The following SSBP2 variants were observed in gnomAD, a reference collection of about 807,000 sequenced individuals.
The protein encoded by SSBP2 is single-stranded DNA-binding protein 2.
In SSBP2, 17 loss-of-function variants were observed where a neutral mutation model predicts 61.8. The ratio of observed to expected loss-of-function variants is 0.28; its 90% confidence interval spans 0.19 to 0.41. The LOEUF (loss-of-function observed/expected upper bound fraction) is 0.41, where lower values mean the gene tolerates loss of function less well. SSBP2 is among the 10% of genes least tolerant of loss of function. The pLI, the probability that SSBP2 is intolerant of heterozygous loss-of-function variation, is 1.00. For synonymous variants in SSBP2, 139 were observed against 141.3 expected, an observed-to-expected ratio of 0.98 and a Z score of 0.12; for missense variants, 310 against 458.7, an observed-to-expected ratio of 0.68 and a Z score of 2.96.
intron 1 of SSBP2, among the ~76,000 whole-genome samples, chr5:81,668,504 C>A (rs1316548951): frequency 1.3e-5 from 2 of 151,870 alleles, no homozygotes; most frequent in African/African-American, 4.8e-5. Context: ...TATAAAACTG[C>A]ATTTTTACTT....
At chr5:81,423,362 A>T (rs1369424719) in intron 16 of SSBP2, among the ~76,000 whole-genome samples, 1 of 152,234 alleles carries the variant, frequency 6.6e-6, no homozygotes, top group Non-Finnish European at 1.5e-5. Flanking sequence ...TTTAAAACAA[A>T]GATCTTATTG....
chr5:81,510,111 C>T (rs895785212), intron 5 of SSBP2, among the ~76,000 whole-genome samples: 6 of 152,126 alleles, frequency 3.9e-5, no homozygotes, highest in African/African-American at 7.2e-5. Flanking sequence ...CTGGACAATT[C>T]ATCTACCCCT....
At chr5:81,446,774 T>C (rs985055863) in intron 12 of SSBP2, 94 bp downstream of exon 12, 168 of 1,243,998 alleles carry the variant, frequency 1.4e-4, no homozygotes, top group Non-Finnish European at 1.8e-4. Flanking sequence ...CGTGAGAACA[T>C]GAATACTACT....
chr5:81,633,748 TCA>T (rs1287184236), intron 3 of SSBP2, among the ~76,000 whole-genome samples: 7 of 152,318 alleles, frequency 4.6e-5, no homozygotes, highest in Admixed American at 1.3e-4. Context: ...GGTATGTATT[TCA>T]GTTTCAGCAC....
At chr5:81,473,371 T>C (rs1765376055) in intron 8 of SSBP2, among the ~76,000 whole-genome samples, 1 of 152,186 alleles carries the variant, frequency 6.6e-6, no homozygotes, top group Non-Finnish European at 1.5e-5. Context: ...AAGCCCCACA[T>C]GCATTAGCGA....
chr5:81,587,323 T>C (rs1283120926), intron 4 of SSBP2, among the ~76,000 whole-genome samples: 1 of 152,176 alleles, frequency 6.6e-6, no homozygotes, highest in African/African-American at 2.4e-5. Context: ...TTAGGGTTGT[T>C]TGAGGTTCTT....
At chr5:81,459,230 G>A (rs998371169) in intron 10 of SSBP2, among the ~76,000 whole-genome samples, 4 of 152,144 alleles carry the variant, frequency 2.6e-5, no homozygotes. Flanking sequence ...AAGAGATGGA[G>A]TACCTAAAAA....
intron 16 of SSBP2, among the ~76,000 whole-genome samples, chr5:81,428,167 C>T (rs181725286): frequency 1.2e-4 from 19 of 152,202 alleles, no homozygotes; most frequent in Non-Finnish European, 2.1e-4. Context: ...GTTAACAGAC[C>T]GCCAATTTGG....
intron 1 of SSBP2, among the ~76,000 whole-genome samples, chr5:81,680,441 G>C (rs1278526224): frequency 6.6e-6 from 1 of 150,940 alleles, no homozygotes; most frequent in Non-Finnish European, 1.5e-5. Flanking sequence ...AAACGTCAGT[G>C]GTGTAACTAC....
chr5:81,635,526 T>C (rs990103564), intron 3 of SSBP2, among the ~76,000 whole-genome samples: 3 of 151,946 alleles, frequency 2.0e-5, no homozygotes, highest in Admixed American at 6.6e-5. Flanking sequence ...CGCTTATAAT[T>C]ACCTATACAG....
chr5:81,512,967 T>C (rs1768731480), intron 5 of SSBP2, among the ~76,000 whole-genome samples: 1 of 152,090 alleles, frequency 6.6e-6, no homozygotes, highest in African/African-American at 2.4e-5. Flanking sequence ...TCGAAATTTA[T>C]GTTGGTTTGA....
At chr5:81,444,105 T>TTATTTGAATATATC (rs1185203438) in intron 12 of SSBP2, among the ~76,000 whole-genome samples, 1 of 152,232 alleles carries the variant, frequency 6.6e-6, no homozygotes, top group Non-Finnish European at 1.5e-5. Context: ...ATACTGTATC[T>TTATTTGAATATATC]TATTTGAATA....
intron 4 of SSBP2, among the ~76,000 whole-genome samples, chr5:81,528,782 T>C (rs1770158914): frequency 6.6e-6 from 1 of 152,076 alleles, no homozygotes; most frequent in Non-Finnish European, 1.5e-5. Flanking sequence ...AGACGGTCTT[T>C]AGTCAATAAT....
intron 4 of SSBP2, among the ~76,000 whole-genome samples, chr5:81,542,855 T>TCTCCA (rs1771404391): frequency 1.5e-5 from 1 of 66,604 alleles, no homozygotes; most frequent in Non-Finnish European, 2.9e-5. Context: ...CTCTCTCTCC[T>TCTCCA]TTCTTTCTTC....
chr5:81,631,918 C>G (rs1219195604), intron 3 of SSBP2, among the ~76,000 whole-genome samples: 1 of 152,098 alleles, frequency 6.6e-6, no homozygotes, highest in Non-Finnish European at 1.5e-5. Context: ...GGAGCTGAGA[C>G]ACTGAATCCA....
chr5:81,523,065 T>C (rs1472072226), intron 4 of SSBP2, among the ~76,000 whole-genome samples: 1 of 151,996 alleles, frequency 6.6e-6, no homozygotes, highest in Non-Finnish European at 1.5e-5. Context: ...GTATTTGCCA[T>C]GCAAATGAAA....
At chr5:81,562,201 C>T (rs189981711) in intron 4 of SSBP2, among the ~76,000 whole-genome samples, 4 of 152,102 alleles carry the variant, frequency 2.6e-5, no homozygotes, top group Non-Finnish European at 5.9e-5. Context: ...CCACCGCCCC[C>T]GGCCAAGACC....
intron 15 of SSBP2, among the ~76,000 whole-genome samples, chr5:81,434,224 T>C (rs937325856): frequency 1.1e-4 from 17 of 152,192 alleles, no homozygotes; most frequent in Non-Finnish European, 2.5e-4. Context: ...AGAAAAACAA[T>C]TGAAGTAGTA....
chr5:81,693,329 T>C (rs935423280), intron 1 of SSBP2, among the ~76,000 whole-genome samples: 54 of 152,018 alleles, frequency 3.6e-4, no homozygotes, highest in African/African-American at 1.1e-3. Context: ...TCAAATGGAA[T>C]TACATCAAGT....
Sources: gnomAD v4.1 joint callset for allele counts (sites outside exome capture counted in the v4.1 genomes callset) on GRCh38, gnomAD v4.1.1 for gene constraint, MANE v1.5 for transcripts, NCBI Gene and HGNC (gene_info 2026-07-23, HGNC 2026-07-21) for gene names.